Variants in EPHA6 observed in about 807,000 individuals in gnomAD.
The protein encoded by EPHA6 is ephrin type-A receptor 6.
In EPHA6, 50 loss-of-function variants were observed where a neutral mutation model predicts 112.0. That is an observed-to-expected ratio of 0.45 (90% confidence interval 0.36 to 0.56). EPHA6 has a LOEUF of 0.56. Ranked by LOEUF, EPHA6 falls within the 20% of genes least tolerant of loss-of-function variation. The probability of loss-of-function intolerance (pLI) is 0.00; values close to 1 mark genes in which losing one functional copy is unlikely to be tolerated. For synonymous variants in EPHA6, 529 were observed against 490.7 expected (o/e 1.08, Z -1.03); for missense variants, 1,280 against 1,417.4 (o/e 0.90, Z 1.56).
At chr3:96,978,411 A>C (rs991646856) in intron 2 of EPHA6, among the ~76,000 whole-genome samples, 1 of 152,270 alleles carries the variant, frequency 6.6e-6, no homozygotes, top group Non-Finnish European at 1.5e-5. Flanking sequence ...GTATTTCCAA[A>C]AGGAAAAGTA....
chr3:97,158,053 C>G (rs1233902949), intron 3 of EPHA6, among the ~76,000 whole-genome samples: 1 of 152,070 alleles, frequency 6.6e-6, no homozygotes, highest in Non-Finnish European at 1.5e-5. Flanking sequence ...GTCATGTTTC[C>G]TCCTAACATG....
chr3:97,169,689 C>T (rs2076639122), intron 3 of EPHA6, among the ~76,000 whole-genome samples: 5 of 152,126 alleles, frequency 3.3e-5, no homozygotes, highest in Admixed American at 2.0e-4. Context: ...AAAATGCAGC[C>T]ATTTATGTAT....
intron 5 of EPHA6, among the ~76,000 whole-genome samples, chr3:97,252,440 C>T (rs572924004): frequency 1.2e-4 from 19 of 152,218 alleles, no homozygotes; most frequent in South Asian, 4.1e-4. Flanking sequence ...CGCGCGCGCA[C>T]GCACAGGCAC....
chr3:97,191,979 C>A (rs1485020611), intron 3 of EPHA6, among the ~76,000 whole-genome samples: 1 of 151,970 alleles, frequency 6.6e-6, no homozygotes, highest in Non-Finnish European at 1.5e-5. Flanking sequence ...TTCTCTCCAC[C>A]CTGACTAGTA....
intron 3 of EPHA6, among the ~76,000 whole-genome samples, chr3:97,046,416 T>C (rs1452510482): frequency 6.6e-6 from 1 of 152,106 alleles, no homozygotes; most frequent in African/African-American, 2.4e-5. Flanking sequence ...GAACACAATG[T>C]CCTTAAAACA....
At chr3:97,132,260 A>T (rs1195735196) in intron 3 of EPHA6, among the ~76,000 whole-genome samples, 1 of 152,060 alleles carries the variant, frequency 6.6e-6, no homozygotes, top group Non-Finnish European at 1.5e-5. Flanking sequence ...CGTGTCAGGG[A>T]CTGTTTCAAG....
At chr3:96,948,068 T>G (rs995601123) in intron 2 of EPHA6, among the ~76,000 whole-genome samples, 7 of 152,184 alleles carry the variant, frequency 4.6e-5, no homozygotes, top group African/African-American at 1.7e-4. Flanking sequence ...GTACCTGGGA[T>G]TTTTGAAAAT....
chr3:96,946,100 A>G (rs1342600788), intron 2 of EPHA6, among the ~76,000 whole-genome samples: 2 of 152,130 alleles, frequency 1.3e-5, no homozygotes, highest in African/African-American at 4.8e-5. Flanking sequence ...GTAGCCTCTT[A>G]AGATTGGCTT....
chr3:97,281,312 A>G (rs1382017208), intron 5 of EPHA6, among the ~76,000 whole-genome samples: 5 of 152,028 alleles, frequency 3.3e-5, no homozygotes, highest in Admixed American at 2.0e-4. Context: ...AATACAGTTA[A>G]TTTATAACTT....
chr3:97,275,600 T>A (rs575877699), intron 5 of EPHA6, among the ~76,000 whole-genome samples: 1 of 152,278 alleles, frequency 6.6e-6, no homozygotes, highest in African/African-American at 2.4e-5. Flanking sequence ...GTAAGGCTTG[T>A]CTGGTTCTAG....
intron 15 of EPHA6, among the ~76,000 whole-genome samples, chr3:97,732,128 A>G (rs1290893947): frequency 1.3e-5 from 2 of 151,924 alleles, no homozygotes; most frequent in African/African-American, 4.8e-5. Flanking sequence ...CTAAGTTTAT[A>G]TCATGCCAAA....
intron 4 of EPHA6, among the ~76,000 whole-genome samples, chr3:97,241,563 G>T (rs917213660): frequency 3.3e-5 from 5 of 151,610 alleles, no homozygotes; most frequent in African/African-American, 1.2e-4. Flanking sequence ...TTGAATCTGA[G>T]GATTAGAATT....
intron 3 of EPHA6, among the ~76,000 whole-genome samples, chr3:97,182,373 AAT>A (rs1236970363): frequency 6.7e-6 from 1 of 149,974 alleles, no homozygotes; most frequent in Non-Finnish European, 1.5e-5. Context: ...TTTGTTTCAT[AAT>A]ATATTATTAT....
intron 10 of EPHA6, among the ~76,000 whole-genome samples, chr3:97,506,900 G>T (rs529514258): frequency 1.4e-3 from 210 of 152,206 alleles, no homozygotes; most frequent in African/African-American, 4.8e-3. Context: ...CTTGTAAGTT[G>T]TATTCCTAGG....
chr3:97,724,544 A>C (rs2034673008), intron 15 of EPHA6, among the ~76,000 whole-genome samples: 1 of 152,070 alleles, frequency 6.6e-6, no homozygotes, highest in South Asian at 2.1e-4. Flanking sequence ...TGAGGCAGGA[A>C]GATCACTTCC....
chr3:97,171,282 A>G (rs1022544389), intron 3 of EPHA6, among the ~76,000 whole-genome samples: 2 of 152,210 alleles, frequency 1.3e-5, no homozygotes, highest in African/African-American at 4.8e-5. Context: ...GAAAGGAATT[A>G]ACTACTATCT....
intron 14 of EPHA6, among the ~76,000 whole-genome samples, chr3:97,706,735 T>G (rs1242337259): frequency 1.6e-5 from 2 of 123,724 alleles, no homozygotes; most frequent in East Asian, 4.0e-4. Context: ...ATTCTGAAGG[T>G]TTTTGCCTCC....
At chr3:97,663,501 C>A (rs2094184081) in intron 14 of EPHA6, among the ~76,000 whole-genome samples, 1 of 134,130 alleles carries the variant, frequency 7.5e-6, no homozygotes, top group Non-Finnish European at 1.6e-5. Context: ...CACCCCACAA[C>A]AGGCCCCGGT....
At position 97,693,965 on chromosome 3, in the gene EPHA6, T is replaced by G. The variant is rs905198812; in HGVS notation, c.2785-26296T>G. Among the ~76,000 whole-genome samples the G allele has an allele frequency of 5.1e-4, 77 of 152,224 alleles. 2 individuals are homozygous for G. Among genetic ancestry groups the G allele is most frequent in the African/African-American group, 1.7e-3 (72 of 41,472 alleles). On this transcript the variant is annotated intron_variant, in intron 14 of 17. Transcript: ENST00000389672. ...TGTGCTTGGTCAAGTTTACATTGAT[T>G]CGCATGAAGCTCTTCATTAAAGGTA...
Sources: gnomAD v4.1 joint callset for allele counts (sites outside exome capture counted in the v4.1 genomes callset) on GRCh38, gnomAD v4.1.1 for gene constraint, MANE v1.5 for transcripts, NCBI Gene and HGNC (gene_info 2026-07-23, HGNC 2026-07-21) for gene names.